The following GRID2 variants were observed in gnomAD, a reference collection of about 807,000 sequenced individuals.
The protein encoded by GRID2 is glutamate receptor ionotropic, delta-2.
In GRID2, 33 loss-of-function variants were observed where a neutral mutation model predicts 114.8. The observed-to-expected ratio is 0.29, with a 90% CI of 0.22 to 0.38. GRID2 has a LOEUF of 0.38. GRID2 is among the 10% of genes least tolerant of loss of function. The probability of loss-of-function intolerance (pLI) is 1.00; values close to 1 mark genes in which losing one functional copy is unlikely to be tolerated. For synonymous variants in GRID2, 505 were observed against 449.9 expected (o/e 1.12, Z -1.55); for missense variants, 1,184 against 1,257.7 (o/e 0.94, Z 0.89).
intron 1 of GRID2, among the ~76,000 whole-genome samples, chr4:92,577,885 T>C (rs1206558180): frequency 2.0e-5 from 3 of 152,026 alleles, no homozygotes; most frequent in East Asian, 3.9e-4. Flanking sequence ...GTTAGAGATA[T>C]ACATTTTGGG....
rs1339317414 is a variant in GRID2, at chr4:93,632,855, A to G, written c.2360+6420A>G. 2.0e-5 allele frequency among the ~76,000 whole-genome samples: 3 copies of G among 152,112 alleles called. No homozygotes were observed. The East Asian group carries it at 5.8e-4, about 29-fold the overall frequency. Reference sequence around the variant, plus strand: ...TGATTCTTCCTACCCATGAGCATGGAATGTTCTTCCATTTGTTTGTGTCCT... The same window carrying G: ...TGATTCTTCCTACCCATGAGCATGGGATGTTCTTCCATTTGTTTGTGTCCT... On this transcript the variant is annotated intron_variant, in intron 14 of 15. Transcript: ENST00000282020.
At chr4:92,608,606 C>CA (rs1357945012) in intron 2 of GRID2, among the ~76,000 whole-genome samples, 1 of 151,816 alleles carries the variant, frequency 6.6e-6, no homozygotes, top group African/African-American at 2.4e-5. Context: ...TGCTATAACT[C>CA]AGAGTGTCAT....
At chr4:92,942,175 A>G (rs1055420576) in intron 2 of GRID2, among the ~76,000 whole-genome samples, 1 of 152,126 alleles carries the variant, frequency 6.6e-6, no homozygotes, top group African/African-American at 2.4e-5. Context: ...GGGGTGTTAA[A>G]GTCTCCCATT....
intron 10 of GRID2, among the ~76,000 whole-genome samples, chr4:93,450,868 A>C (rs1722624354): frequency 1.3e-5 from 2 of 151,952 alleles, no homozygotes; most frequent in African/African-American, 4.8e-5. Flanking sequence ...TTTGCAAATA[A>C]TGTAAGTGTA....
intron 4 of GRID2, among the ~76,000 whole-genome samples, chr4:93,150,225 A>G (rs1270060271): frequency 6.6e-6 from 1 of 152,078 alleles, no homozygotes. Flanking sequence ...TAGTGTTTTG[A>G]GTGGAAAATT....
At chr4:93,069,007 CAA>C (rs999638366) in intron 2 of GRID2, among the ~76,000 whole-genome samples, 2 of 151,696 alleles carry the variant, frequency 1.3e-5, no homozygotes, top group African/African-American at 2.4e-5. Context: ...AGAGCAGAAA[CAA>C]GAGAGAGAGG....
intron 1 of GRID2, among the ~76,000 whole-genome samples, chr4:92,461,202 A>G (rs897768716): frequency 6.6e-6 from 1 of 151,950 alleles, no homozygotes; most frequent in Non-Finnish European, 1.5e-5. Context: ...TACCCATTAA[A>G]CTTGTCAACT....
chr4:92,965,927 A>T (rs987341941), intron 2 of GRID2, among the ~76,000 whole-genome samples: 3 of 151,830 alleles, frequency 2.0e-5, no homozygotes, highest in Non-Finnish European at 2.9e-5. Flanking sequence ...TTCTGACCAA[A>T]TTCTTGTTCA....
At chr4:92,608,924 C>T (rs952758362) in intron 2 of GRID2, among the ~76,000 whole-genome samples, 2 of 151,728 alleles carry the variant, frequency 1.3e-5, no homozygotes, top group African/African-American at 4.8e-5. Context: ...TTGCAAAATA[C>T]TGTAAGTGCT....
intron 1 of GRID2, among the ~76,000 whole-genome samples, chr4:92,442,045 C>T (rs111257735): frequency 1.8e-4 from 27 of 150,092 alleles, no homozygotes; most frequent in Admixed American, 8.6e-4. Context: ...GAAGCCTGGC[C>T]GTCAATACCC....
intron 8 of GRID2, among the ~76,000 whole-genome samples, chr4:93,305,669 C>G (rs1331994081): frequency 6.6e-6 from 1 of 151,990 alleles, no homozygotes; most frequent in Non-Finnish European, 1.5e-5. Context: ...ATTTAGAGTG[C>G]AAATAAAAAG....
chr4:93,745,356 A>G (rs1268653974), intron 14 of GRID2, among the ~76,000 whole-genome samples: 1 of 152,194 alleles, frequency 6.6e-6, no homozygotes, highest in Non-Finnish European at 1.5e-5. Context: ...TGAGAGAAAA[A>G]TGTTGCCTTC....
chr4:92,908,027 C>T (rs1406748503), intron 2 of GRID2, among the ~76,000 whole-genome samples: 2 of 151,844 alleles, frequency 1.3e-5, no homozygotes, highest in African/African-American at 4.8e-5. Flanking sequence ...CCATCTCAAA[C>T]AAAACAAAAC....
intron 2 of GRID2, among the ~76,000 whole-genome samples, chr4:92,868,062 T>TCTG (rs1560653219): frequency 3.8e-3 from 457 of 119,724 alleles, no homozygotes; most frequent in Non-Finnish European, 6.9e-3. Context: ...CTTTCTTTCT[T>TCTG]TCTTTCTGTC....
intron 2 of GRID2, among the ~76,000 whole-genome samples, chr4:92,757,200 G>A (rs1351642523): frequency 6.6e-6 from 1 of 151,974 alleles, no homozygotes; most frequent in Non-Finnish European, 1.5e-5. Context: ...CATTTATTAT[G>A]TTTTCAAAAT....
At chr4:92,765,214 AT>A in intron 2 of GRID2, among the ~76,000 whole-genome samples, 1 of 152,328 alleles carries the variant, frequency 6.6e-6, no homozygotes, top group Middle Eastern at 3.4e-3. Context: ...GGTATAAATC[AT>A]TAATATAACA....
intron 1 of GRID2, among the ~76,000 whole-genome samples, chr4:92,372,676 G>A (rs1454388808): frequency 6.6e-6 from 1 of 152,070 alleles, no homozygotes; most frequent in African/African-American, 2.4e-5. Context: ...AACCAAACCT[G>A]CAATTCCTCC....
chr4:92,858,812 C>T (rs1346552172), intron 2 of GRID2, among the ~76,000 whole-genome samples: 1 of 152,178 alleles, frequency 6.6e-6, no homozygotes, highest in African/African-American at 2.4e-5. Flanking sequence ...CTGCCTCAGC[C>T]TCCCAAAGTG....
intron 10 of GRID2, among the ~76,000 whole-genome samples, chr4:93,432,127 C>T (rs752559147): frequency 6.6e-5 from 10 of 152,146 alleles, no homozygotes; most frequent in Non-Finnish European, 1.5e-4. Context: ...GGGAAAGTGA[C>T]TGCTAAATCA....
Sources: gnomAD v4.1 joint callset for allele counts (sites outside exome capture counted in the v4.1 genomes callset) on GRCh38, gnomAD v4.1.1 for gene constraint, MANE v1.5 for transcripts, NCBI Gene and HGNC (gene_info 2026-07-23, HGNC 2026-07-21) for gene names.